GRIN3A: variants seen among roughly 807,000 people sequenced by gnomAD.
The protein encoded by GRIN3A is glutamate ionotropic receptor NMDA type subunit 3A, also known as glutamate receptor ionotropic, NMDA 3A.
In GRIN3A, 47 loss-of-function variants were observed where a neutral mutation model predicts 92.4. That is an observed-to-expected ratio of 0.51 (90% CI 0.40 to 0.65). The LOEUF (loss-of-function observed/expected upper bound fraction) is 0.65. GRIN3A is among the 30% of genes least tolerant of loss of function. The pLI, the probability that GRIN3A is intolerant of heterozygous loss-of-function variation, is 0.00. For synonymous variants in GRIN3A, 527 were observed against 540.6 expected, an observed-to-expected ratio of 0.97 and a Z score of 0.35; for missense variants, 1,324 against 1,393.1, an observed-to-expected ratio of 0.95 and a Z score of 0.79.
At chr9:101,607,371 A>G (rs1828300717) in intron 6 of GRIN3A, among the ~76,000 whole-genome samples, 1 of 152,162 alleles carries the variant, frequency 6.6e-6, no homozygotes, top group African/African-American at 2.4e-5. Flanking sequence ...AGAGTGAAAG[A>G]GAGTGTTTAA....
chr9:101,594,767 T>G lies in GRIN3A; in HGVS notation c.2767-15407A>C, dbSNP rs751936797. On this transcript the variant is annotated intron_variant, in intron 6 of 8. Coordinates refer to ENST00000361820, the MANE Select transcript of GRIN3A (RefSeq NM_133445.3). ...GTCGATCACTCGCCGCACCAACGGG[T>G]TGTGGCGCAGCTCCGGCAGGGACAT... 1.6e-4 allele frequency: 266 copies of G among 1,613,716 alleles called. No homozygotes were observed. The highest frequency in any genetic ancestry group is 2.1e-4 in the Non-Finnish European group (250 of 1,180,020).
intron 6 of GRIN3A, chr9:101,602,930 C>T (rs1459191534): frequency 6.6e-6 from 1 of 152,122 alleles, no homozygotes; most frequent in African/African-American, 2.4e-5. Flanking sequence ...ATACAATTGA[C>T]TACATGCAAA....
At chr9:101,616,324 T>C (rs1235980900) in intron 5 of GRIN3A, among the ~76,000 whole-genome samples, 1 of 152,178 alleles carries the variant, frequency 6.6e-6, no homozygotes, top group Non-Finnish European at 1.5e-5. Context: ...AAATTACCCA[T>C]TATATTTTAA....
chr9:101,655,952 T>C (rs1829084379), intron 3 of GRIN3A, among the ~76,000 whole-genome samples: 1 of 151,942 alleles, frequency 6.6e-6, no homozygotes, highest in Non-Finnish European at 1.5e-5. Context: ...TGTGTAAAAG[T>C]GTGCAGATGA....
intron 2 of GRIN3A, among the ~76,000 whole-genome samples, chr9:101,671,385 G>A (rs1167924910): frequency 1.3e-5 from 2 of 152,084 alleles, no homozygotes; most frequent in African/African-American, 4.8e-5. Flanking sequence ...TTAATTCCTA[G>A]TTAAGAGATG....
intron 5 of GRIN3A, among the ~76,000 whole-genome samples, chr9:101,621,476 C>A (rs1487786140): frequency 1.3e-5 from 2 of 152,114 alleles, no homozygotes; most frequent in Non-Finnish European, 2.9e-5. Context: ...TGTACCCCAT[C>A]CATTTGGAGA....
chr9:101,698,586 C>G (rs1350275464), intron 1 of GRIN3A, among the ~76,000 whole-genome samples: 3 of 152,186 alleles, frequency 2.0e-5, no homozygotes, highest in African/African-American at 7.2e-5. Flanking sequence ...CAGCATGTTA[C>G]TATGCTGAAT....
In GRIN3A at chr9:101,572,960, T is replaced by C. The variant is rs1172372508; in HGVS notation, c.*214A>G. On this transcript the variant is annotated 3_prime_UTR_variant, in exon 9 of 9. Coordinates refer to ENST00000361820, the MANE Select transcript of GRIN3A (RefSeq NM_133445.3). ...CAGAGCTTACTCCTGACTAAGATTC[T>C]TGCTAGAAAAACACTCCTACCCTGG... is the stretch of plus-strand genomic sequence containing the variant. The C allele has an allele frequency of 5.2e-6, 3 of 575,466 alleles. No individual in the cohort carries two copies. Among genetic ancestry groups the C allele is most frequent in the Non-Finnish European group, 6.2e-6 (2 of 320,988 alleles). 35.6% of individuals were successfully genotyped at this position (575,466 alleles called of 1,614,324 possible). A position where few individuals can be genotyped will look rare whatever the true frequency, so the allele number is the denominator to read the frequency against.
In GRIN3A at chr9:101,642,405, A is replaced by G. The variant is rs1052594062; in HGVS notation, c.2353-14004T>C. The stretch of plus-strand genomic sequence containing the variant: ...GAAAACACAGAGGAAAAGATCATTG[A>G]CATTGGTGTTGGCAATGACTTTATG... On this transcript the variant is annotated intron_variant, in intron 3 of 8. Transcript: ENST00000361820. Among the ~76,000 whole-genome samples, 6 of 152,324 alleles carry G rather than the reference A, an allele frequency of 3.9e-5. No individual in the cohort carries two copies. The South Asian group carries it at 1.0e-3, about 26-fold the overall frequency.
At chr9:101,693,958 C>T (rs1588286378) in intron 1 of GRIN3A, among the ~76,000 whole-genome samples, 1 of 152,082 alleles carries the variant, frequency 6.6e-6, no homozygotes. Context: ...GGGATGTCAA[C>T]AAAGATCTTA....
chr9:101,668,286 A>C (rs922716437), intron 3 of GRIN3A, among the ~76,000 whole-genome samples: 1 of 152,120 alleles, frequency 6.6e-6, no homozygotes, highest in Non-Finnish European at 1.5e-5. Context: ...TCGTTCTGAT[A>C]AATAAAGCTC....
intron 1 of GRIN3A, among the ~76,000 whole-genome samples, chr9:101,710,790 C>T (rs988379009): frequency 6.6e-6 from 1 of 152,100 alleles, no homozygotes; most frequent in Non-Finnish European, 1.5e-5. Context: ...AAGCAGATGG[C>T]TAAAGCAAAT....
chr9:101,688,121 G>A (rs889794169), intron 1 of GRIN3A, among the ~76,000 whole-genome samples: 3 of 152,170 alleles, frequency 2.0e-5, no homozygotes, highest in African/African-American at 7.2e-5. Flanking sequence ...GGGAACTATT[G>A]GATTGCTTTT....
intron 3 of GRIN3A, among the ~76,000 whole-genome samples, chr9:101,667,559 AT>A (rs1304736281): frequency 6.6e-6 from 1 of 152,018 alleles, no homozygotes; most frequent in Non-Finnish European, 1.5e-5. Flanking sequence ...AAGTCAAACA[AT>A]TTGACTCATT....
intron 6 of GRIN3A, chr9:101,594,917 C>T: frequency 6.3e-7 from 1 of 1,598,540 alleles, no homozygotes; most frequent in Non-Finnish European, 8.5e-7. Context: ...GGCCTCGTTT[C>T]CCATTGTGGA....
At chr9:101,734,510 C>T (rs2069325) in intron 1 of GRIN3A, among the ~76,000 whole-genome samples, 21,037 of 148,462 alleles carry the variant, frequency 0.14, 2,710 homozygotes, top group African/African-American at 0.32. Context: ...TAATGAATTT[C>T]CCTACTTGAA....
At chr9:101,658,602 C>A (rs2118928472) in intron 3 of GRIN3A, among the ~76,000 whole-genome samples, 1 of 151,354 alleles carries the variant, frequency 6.6e-6, no homozygotes, top group South Asian at 2.1e-4. Flanking sequence ...TGTTTTTTGG[C>A]ATTTTTTAGG....
At chr9:101,619,730 G>C (rs1306546410) in intron 5 of GRIN3A, among the ~76,000 whole-genome samples, 1 of 152,166 alleles carries the variant, frequency 6.6e-6, no homozygotes, top group East Asian at 1.9e-4. Context: ...AACAGGCAAA[G>C]GTCTTTGGCA....
At chr9:101,616,208 A>G (rs1828451278) in intron 5 of GRIN3A, among the ~76,000 whole-genome samples, 1 of 152,202 alleles carries the variant, frequency 6.6e-6, no homozygotes, top group Non-Finnish European at 1.5e-5. Context: ...GCTTGTGCCT[A>G]GTATTGTGCA....
Sources: gnomAD v4.1 joint callset for allele counts (sites outside exome capture counted in the v4.1 genomes callset) on GRCh38, gnomAD v4.1.1 for gene constraint, MANE v1.5 for transcripts, NCBI Gene and HGNC (gene_info 2026-07-23, HGNC 2026-07-21) for gene names.